GIGYF1: variants seen among roughly 807,000 people sequenced by gnomAD.
The protein encoded by GIGYF1 is GRB10-interacting GYF protein 1.
In GIGYF1, 84 loss-of-function variants were observed where a neutral mutation model predicts 147.1. The ratio of observed to expected loss-of-function variants is 0.57; its 90% CI spans 0.48 to 0.68. The LOEUF is 0.68. Ranked by LOEUF, GIGYF1 falls within the 30% of genes least tolerant of loss-of-function variation. The pLI, the probability that GIGYF1 is intolerant of heterozygous loss-of-function variation, is 0.00. For synonymous variants in GIGYF1, 752 were observed against 589.5 expected (o/e 1.28, Z -3.99); for missense variants, 1,485 against 1,393.7 (o/e 1.07, Z -1.04).
intron 1 of GIGYF1, 99 bp downstream of exon 1, chr7:100,694,011 T>C (rs1321691272): frequency 2.0e-5 from 3 of 147,188 alleles, no homozygotes; most frequent in Admixed American, 6.7e-5. Context: ...CCGGCGCTTC[T>C]CTAGCTCGCG....
rs1562880293 is a variant in GIGYF1 at position 100,686,670 on chromosome 7, GGTCGCC to G, written c.667_672del (p.Gly223_Asp224del). On this transcript the variant is annotated inframe_deletion, in exon 10 of 27. Coordinates refer to ENST00000678049, the MANE Select transcript of GIGYF1 (RefSeq NM_001375765.1). The stretch of plus-strand genomic sequence containing the variant: ...TCACCAGGGCTGGCGGAGCGCCAGC[GGTCGCC>G]GTCTCGCCGGGGCCCTGCTCCGAGC... 2 of 1,612,306 alleles carry G rather than the reference GGTCGCC, an allele frequency of 1.2e-6. No individual in the cohort carries two copies. Among genetic ancestry groups the G allele is most frequent in the Middle Eastern group, 1.7e-4 (1 of 5,978 alleles).
At position 100,683,936 on chromosome 7, in the gene GIGYF1, G is replaced by A; in HGVS notation, c.1869-18C>T. 1 of 1,558,998 alleles carries A rather than the reference G, an allele frequency of 6.4e-7. No homozygotes were observed. Among genetic ancestry groups the A allele is most frequent in the Non-Finnish European group, 8.7e-7 (1 of 1,151,914 alleles). On this transcript the variant is annotated intron_variant, in intron 18 of 26. Coordinates refer to ENST00000678049, the MANE Select transcript of GIGYF1 (RefSeq NM_001375765.1). ...CCCCGCCTCTGAGGAGCAAATTGTGGATTCTTAGGACCCCAAATCCATCTC... is the reference window on the plus strand; with the variant it reads ...CCCCGCCTCTGAGGAGCAAATTGTGAATTCTTAGGACCCCAAATCCATCTC...
In GIGYF1 at chr7:100,682,355, G is replaced by T. The variant is rs753025026; in HGVS notation, c.2728C>A (p.Leu910Met). The change falls in exon 24 of 27, where the codon CTG becomes ATG. Residue 910 changes from leucine (L) to methionine (M), a missense_variant. By Grantham distance (15) the Leu-to-Met change is conservative. Transcript: ENST00000678049. ...CTGCCCGTGGCGCTCAGCGTGTGCA[G>T]CATCTGCTCGCACCACTGGGTGAAG... is the stretch of plus-strand genomic sequence containing the variant. ...DGFTQWCEQM[L>M]HTLSATGSLD... is the part of the protein sequence containing the mutation. 6.2e-7 allele frequency: 1 copy of T among 1,613,332 alleles called. No homozygotes were observed. The highest frequency in any genetic ancestry group is 8.5e-7 in the Non-Finnish European group (1 of 1,179,938).
Position 100,687,881 on chromosome 7 carries a change from G to A in GIGYF1, c.168C>T (p.Val56=). 3.1e-6 allele frequency: 5 copies of A among 1,613,592 alleles called. No homozygotes were observed. The highest frequency in any genetic ancestry group is 4.2e-6 in the Non-Finnish European group (5 of 1,179,998). ...ACTCCTTGTCCTGCAGCTCTTCCGG[G>A]ACCTGGCAGTGGGTTGGGACAGCCA... ...MLALYVKENK[V]PEELQDKEFA... The change falls in exon 6 of 27, where the codon GTC becomes GTT. Residue 56 remains valine (V), a splice_region_variant and synonymous_variant. Coordinates refer to ENST00000678049, the MANE Select transcript of GIGYF1 (RefSeq NM_001375765.1).
Position 100,682,255 on chromosome 7 carries a change from T to A in GIGYF1, c.2762-20A>T. 6.2e-7 allele frequency: 1 copy of A among 1,608,776 alleles called. No individual in the cohort carries two copies. ...TGGGCACTGCAGGATGAGCGAAGGC[T>A]GTCAGGGCCCCCTGGCCGGGTCTGG... On this transcript the variant is annotated intron_variant, in intron 24 of 26. Transcript: ENST00000678049.
chr7:100,685,301 C>T (rs760144679), intron 13 of GIGYF1, 43 bp downstream of exon 13: 1 of 1,548,996 alleles, frequency 6.5e-7, no homozygotes, highest in Admixed American at 2.1e-5. Flanking sequence ...CTTTCTCCCA[C>T]AGCCCCAGCG....
chr7:100,688,412 G>C, intron 3 of GIGYF1, 39 bp downstream of exon 3: 1 of 713,902 alleles, frequency 1.4e-6, no homozygotes, highest in Non-Finnish European at 2.5e-6. Context: ...ATGGGCCCCG[G>C]ACTAGCTGGT....
intron 6 of GIGYF1, 84 bp from the exon 7 acceptor site, chr7:100,687,700 C>A (rs1216818006): frequency 1.0e-6 from 1 of 1,004,570 alleles, no homozygotes; most frequent in Non-Finnish European, 1.5e-6. Flanking sequence ...CCCCGCCTGT[C>A]TCCTCAGCGC....
rs143850312 is a variant in GIGYF1 at position 100,686,855 on chromosome 7, G to T, written c.524-36C>A. On this transcript the variant is annotated intron_variant, in intron 9 of 26. Coordinates refer to ENST00000678049, the MANE Select transcript of GIGYF1 (RefSeq NM_001375765.1). ...GGAAGACAGGGGCAGTTATTAGAAA[G>T]GCAGCGTGGTGCCTGGACCCTCAAG... 3.6e-4 allele frequency: 576 copies of T among 1,608,566 alleles called. 6 individuals are homozygous for T. In the Admixed American group the frequency reaches 9.4e-3, roughly 26 times the overall value.
rs1584487819 is a variant in GIGYF1 at position 100,681,785 on chromosome 7, G to A, written c.3056-14C>T. 6.3e-7 allele frequency: 1 copy of A among 1,590,264 alleles called. No homozygotes were observed. The highest frequency in any genetic ancestry group is 1.1e-5 in the South Asian group (1 of 87,824). ...GCAGGGAGTACCCTGAAGCCGGGGA[G>A]AAGCTGCGTCTGAGCTCTCTCCTGG... On this transcript the variant is annotated splice_polypyrimidine_tract_variant and intron_variant, in intron 26 of 26. Coordinates refer to ENST00000678049, the MANE Select transcript of GIGYF1 (RefSeq NM_001375765.1).
chr7:100,691,928 CAAGA>C (rs1434550546), intron 1 of GIGYF1, among the ~76,000 whole-genome samples: 1 of 152,276 alleles, frequency 6.6e-6, no homozygotes. Context: ...GCTCAGAACT[CAAGA>C]GAGAAAGAAA....
At position 100,688,635 on chromosome 7, in the gene GIGYF1, G is replaced by A; in HGVS notation, c.-178C>T. The A allele has an allele frequency of 2.2e-6, 1 of 451,540 alleles. No homozygotes were observed. The highest frequency in any genetic ancestry group is 1.7e-5 in the South Asian group (1 of 58,252). The allele number at this position is 451,540 out of a possible 1,614,324, so 28.0% of individuals were successfully genotyped here. A position where few individuals can be genotyped will look rare whatever the true frequency, so the allele number is the denominator to read the frequency against. ...AAGAAGGAGGGCAGGGGCTGGTGCT[G>A]GAGTGAACGAGGGTACCCAAGCCAC... On this transcript the variant is annotated 5_prime_UTR_variant, in exon 2 of 27. Coordinates refer to ENST00000678049, the MANE Select transcript of GIGYF1 (RefSeq NM_001375765.1).
chr7:100,688,541 C>G (rs141597147), intron 2 of GIGYF1, 26 bp from the exon 3 acceptor site: 90 of 636,268 alleles, frequency 1.4e-4, no homozygotes, highest in African/African-American at 1.3e-3. Flanking sequence ...AGATGGGAAG[C>G]TCGAGTCCTT....
At chr7:100,684,364 C>T in intron 16 of GIGYF1, 27 bp from the exon 17 acceptor site, 1 of 1,594,584 alleles carries the variant, frequency 6.3e-7, no homozygotes. Flanking sequence ...TCGGCCAGTG[C>T]CCCCAGCAGG....
chr7:100,687,940 C>A lies in GIGYF1; in HGVS notation c.165+41G>T, dbSNP rs1027709476. On this transcript the variant is annotated intron_variant, in intron 5 of 26. Transcript: ENST00000678049. ...CATGCTGCCAGATCCCCTCCACAGG[C>A]AGAGGCCACCACCGCCAACCCCCCT... 6.8e-6 allele frequency: 11 copies of A among 1,610,446 alleles called. No homozygotes were observed. The African/African-American group carries it at 1.2e-4, about 18-fold the overall frequency.
At position 100,680,230 on chromosome 7, in the gene GIGYF1, G is replaced by C. The variant is rs975519008; in HGVS notation, c.*1489C>G. 6.7e-6 allele frequency: 1 copy of C among 148,734 alleles called. No homozygotes were observed. The highest frequency in any genetic ancestry group is 6.7e-5 in the Admixed American group (1 of 14,920). The allele number at this position is 148,734 out of a possible 1,614,324, so 9.2% of individuals were successfully genotyped here. Reference sequence around the variant, plus strand: ...ACCAAACACCATCTTTCTGGGACTAGATGGGGAAAGAAACGGGCCACTCCC... The same window carrying C: ...ACCAAACACCATCTTTCTGGGACTACATGGGGAAAGAAACGGGCCACTCCC... On this transcript the variant is annotated 3_prime_UTR_variant, in exon 27 of 27. Coordinates refer to ENST00000678049, the MANE Select transcript of GIGYF1 (RefSeq NM_001375765.1).
Position 100,685,101 on chromosome 7 carries a change from G to C in GIGYF1, c.1238C>G (p.Ala413Gly), listed in dbSNP as rs545438619. 6.3e-7 allele frequency: 1 copy of C among 1,582,628 alleles called. No homozygotes were observed. Among genetic ancestry groups the C allele is most frequent in the Non-Finnish European group, 8.6e-7 (1 of 1,163,264 alleles). ...IQLSPGVGSS[A>G]GPPGDLEDDE... ...ATCCTCCAGATCTCCGGGTGGGCCA[G>C]CAGAGGAGCCCACCCCGGGACTCAG... The change falls in exon 14 of 27, where the codon GCT becomes GGT. Residue 413 changes from alanine to glycine, a missense_variant. Physicochemically the swap from Ala to Gly is moderately conservative, Grantham distance 60 (BLOSUM62 0). Transcript: ENST00000678049.
chr7:100,684,856 G>A lies in GIGYF1; in HGVS notation c.1329C>T (p.Ser443=), dbSNP rs776765516. 4 of 1,605,274 alleles carry A rather than the reference G, an allele frequency of 2.5e-6. No individual in the cohort carries two copies. Among genetic ancestry groups the A allele is most frequent in the Admixed American group, 3.4e-5 (2 of 59,258 alleles). Residue 443 remains serine (S), a synonymous_variant, in exon 15 of 27, where the codon TCC becomes TCT. Coordinates refer to ENST00000678049, the MANE Select transcript of GIGYF1 (RefSeq NM_001375765.1). ...EKLVASLQDS[S]LEEEQFTAAM... is the part of the protein sequence containing the mutation. ...CAGCCGTGAACTGCTCCTCCTCCAA[G>A]GAGCTGTCCTGCAGGGAGGCCACCA...
chr7:100,687,154 G>A (rs1268169537), intron 8 of GIGYF1, 108 bp from the exon 9 acceptor site: 17 of 1,516,066 alleles, frequency 1.1e-5, no homozygotes, highest in Non-Finnish European at 1.6e-5. Flanking sequence ...GAGGGAGGAA[G>A]GGGACAAACG....
Sources: gnomAD v4.1 joint callset for allele counts (sites outside exome capture counted in the v4.1 genomes callset) on GRCh38, gnomAD v4.1.1 for gene constraint, MANE v1.5 for transcripts, NCBI Gene and HGNC (gene_info 2026-07-23, HGNC 2026-07-21) for gene names.